ACOT11: variants seen among roughly 807,000 people sequenced by gnomAD.
ACOT11 encodes acyl-CoA thioesterase 11.
Under a neutral mutation model 77.5 loss-of-function variants are expected in ACOT11, and 69 were observed. That is an observed-to-expected ratio of 0.89 (90% CI 0.73 to 1.09). The LOEUF (loss-of-function observed/expected upper bound fraction) is 1.09, where lower values mean the gene tolerates loss of function less well. Among genes scored for constraint, ACOT11 ranks in the 50% least tolerant of loss-of-function variants. The pLI is 0.00. For synonymous variants in ACOT11, 279 were observed against 313.0 expected, an observed-to-expected ratio of 0.89 and a Z score of 1.15; for missense variants, 766 against 813.7, an observed-to-expected ratio of 0.94 and a Z score of 0.71.
chr1:54,614,762 C>G, downstream of ACOT11: 1 of 1,614,080 alleles, frequency 6.2e-7, no homozygotes, highest in Non-Finnish European at 8.5e-7. Context: ...CAGCGTTGAT[C>G]CATATGGGCC....
Position 54,623,830 on chromosome 1 carries a change from G to C in ACOT11, c.1630-6904G>C, listed in dbSNP as rs116226269. Among the ~76,000 whole-genome samples the C allele has an allele frequency of 7.5e-4, 114 of 152,346 alleles. 1 individual carries two copies. Among genetic ancestry groups the C allele is most frequent in the Middle Eastern group, 3.4e-3 (1 of 294 alleles). ...TCCTTCCGTGTAAAAGGAGGCACTA[G>C]ACTGGGTGATCCCGAACATTCTGTT... is the stretch of plus-strand genomic sequence containing the variant. On this transcript the variant is annotated intron_variant, in intron 15 of 16. Transcript: ENST00000371316.
chr1:54,562,212 C>A (rs1203140036), intron 1 of ACOT11, among the ~76,000 whole-genome samples: 1 of 79,166 alleles, frequency 1.3e-5, no homozygotes, highest in African/African-American at 8.2e-5. Context: ...GCTGGCCGGG[C>A]GGAGGGCTGA....
chr1:54,593,384 T>C (rs1263500080), intron 4 of ACOT11, among the ~76,000 whole-genome samples: 2 of 152,010 alleles, frequency 1.3e-5, no homozygotes, highest in African/African-American at 4.8e-5. Flanking sequence ...TTTAGCAATA[T>C]TCCTGCCTCA....
At chr1:54,562,820 A>G (rs1276452681) in intron 1 of ACOT11, among the ~76,000 whole-genome samples, 1 of 103,860 alleles carries the variant, frequency 9.6e-6, no homozygotes, top group African/African-American at 3.9e-5. Flanking sequence ...GCGGCCGGGC[A>G]GAGACGCTCC....
intron 1 of ACOT11, among the ~76,000 whole-genome samples, chr1:54,568,933 C>T (rs755855830): frequency 1.4e-4 from 21 of 151,438 alleles, no homozygotes; most frequent in Non-Finnish European, 2.7e-4. Flanking sequence ...TGGCAAGACC[C>T]CATCTGTGTA....
chr1:54,601,364 ACGCAGATGACCAGCCC>A lies in ACOT11; in HGVS notation c.982_997del (p.Ala328SerfsTer55), dbSNP rs762534772. 18 of 1,613,556 alleles carry A rather than the reference ACGCAGATGACCAGCCC, an allele frequency of 1.1e-5. No individual in the cohort carries two copies. Among genetic ancestry groups the A allele is most frequent in the Non-Finnish European group, 1.4e-5 (16 of 1,180,018 alleles). ...GCCTTTATGACCTTTGTGGTCCTGG[ACGCAGATGACCAGCCC>A]CAGTTGCTGCCCTGGATTCGGCCCC... On this transcript the variant is annotated frameshift_variant, in exon 9 of 16. Transcript: ENST00000343744. LOFTEE classifies it high-confidence loss of function.
intron 8 of ACOT11, among the ~76,000 whole-genome samples, chr1:54,600,035 A>G (rs1300002419): frequency 6.6e-6 from 1 of 152,180 alleles, no homozygotes; most frequent in Non-Finnish European, 1.5e-5. Flanking sequence ...TCTTTCACCT[A>G]TAAAATGGGG....
At chr1:54,628,908 A>C (rs1233813640) in intron 15 of ACOT11, among the ~76,000 whole-genome samples, 1 of 130,840 alleles carries the variant, frequency 7.6e-6, no homozygotes, top group African/African-American at 2.6e-5. Context: ...AAAAATACAA[A>C]ATTAGCGGGG....
intron 16 of ACOT11, among the ~76,000 whole-genome samples, chr1:54,631,456 G>T (rs531750946): frequency 6.6e-6 from 1 of 152,156 alleles, no homozygotes; most frequent in South Asian, 2.1e-4. Context: ...TGACTGGGAC[G>T]CTCTTACTTG....
intron 1 of ACOT11, among the ~76,000 whole-genome samples, chr1:54,568,062 T>C (rs1217706504): frequency 1.3e-5 from 2 of 152,190 alleles, no homozygotes; most frequent in Admixed American, 1.3e-4. Context: ...AACACGTCCC[T>C]GTTCTTCCTC....
chr1:54,575,076 C>G (rs1186182403), intron 1 of ACOT11, among the ~76,000 whole-genome samples: 1 of 152,090 alleles, frequency 6.6e-6, no homozygotes, highest in Non-Finnish European at 1.5e-5. Flanking sequence ...AGAGAGCCCC[C>G]TGGGGCTCAG....
At chr1:54,556,593 T>C (rs1050376705) in intron 1 of ACOT11, among the ~76,000 whole-genome samples, 8 of 152,142 alleles carry the variant, frequency 5.3e-5, no homozygotes, top group African/African-American at 1.9e-4. Context: ...TAGAGTTTTT[T>C]TTTTTTGAGA....
At chr1:54,625,951 AAAGAAAGAAAGAAAAAAAGAAAAG>A (rs1162387129) in intron 15 of ACOT11, among the ~76,000 whole-genome samples, 2 of 148,308 alleles carry the variant, frequency 1.3e-5, no homozygotes, top group Non-Finnish European at 3.0e-5. Flanking sequence ...AAAAAAAAAA[AAAGAAAGAAAGAAAAAAAGAAAAG>A]AAAAGGCCAG....
At chr1:54,553,972 G>C (rs562268407) in intron 1 of ACOT11, among the ~76,000 whole-genome samples, 1 of 151,888 alleles carries the variant, frequency 6.6e-6, no homozygotes, top group South Asian at 2.1e-4. Context: ...TCAGGACTTC[G>C]AGGCCAGCCT....
rs1643899382 is a variant in ACOT11, at chr1:54,597,312, G to C, written c.661G>C (p.Glu221Gln). 1.9e-6 allele frequency: 3 copies of C among 1,613,870 alleles called. No individual in the cohort carries two copies. Among genetic ancestry groups the C allele is most frequent in the Non-Finnish European group, 2.5e-6 (3 of 1,180,026 alleles). Residue 221 changes from glutamate (E) to glutamine (Q), a missense_variant, in exon 7 of 16, where the codon GAG (glutamate) becomes CAG (glutamine). Glu to Gln is a conservative substitution (Grantham distance 29). Coordinates refer to ENST00000343744, the MANE Select transcript of ACOT11 (RefSeq NM_147161.4). ...RMVPAEKTRV[E>Q]SVELVLPPHA... ...GGTGCCGGCTGAGAAGACCCGTGTG[G>C]AGAGTGTGGAGCTGGTCCTGCCTCC...
At chr1:54,553,750 C>T (rs913162788) in intron 1 of ACOT11, among the ~76,000 whole-genome samples, 1 of 152,122 alleles carries the variant, frequency 6.6e-6, no homozygotes, top group African/African-American at 2.4e-5. Flanking sequence ...AAGATCTCTC[C>T]ATCCCCCCAA....
intron 16 of ACOT11, among the ~76,000 whole-genome samples, chr1:54,633,514 C>A (rs557918222): frequency 6.6e-6 from 1 of 152,322 alleles, no homozygotes; most frequent in African/African-American, 2.4e-5. Flanking sequence ...CTGAGCAAGA[C>A]TGCGAACAGT....
At chr1:54,624,966 G>A (rs1309320224) in intron 15 of ACOT11, among the ~76,000 whole-genome samples, 2 of 151,894 alleles carry the variant, frequency 1.3e-5, no homozygotes, top group African/African-American at 4.8e-5. Flanking sequence ...TGTGGTGAAG[G>A]GGGACAATGA....
intron 1 of ACOT11, among the ~76,000 whole-genome samples, chr1:54,559,255 C>T (rs12061717): frequency 0.059 from 8,995 of 152,262 alleles, 352 homozygotes; most frequent in South Asian, 0.14. Context: ...CTCTGCCCAC[C>T]CTCACACACT....
Sources: gnomAD v4.1 joint callset for allele counts (sites outside exome capture counted in the v4.1 genomes callset) on GRCh38, gnomAD v4.1.1 for gene constraint, MANE v1.5 for transcripts, NCBI Gene and HGNC (gene_info 2026-07-23, HGNC 2026-07-21) for gene names.